NCAPG2: variants seen among roughly 807,000 people sequenced by gnomAD.
NCAPG2 encodes the protein condensin-2 complex subunit G2.
NCAPG2 carries 53 observed loss-of-function variants against 141.1 expected under a neutral mutation model. The ratio of observed to expected loss-of-function variants is 0.38; its 90% CI spans 0.30 to 0.47. The LOEUF (loss-of-function observed/expected upper bound fraction) is 0.47. Among genes scored for constraint, NCAPG2 ranks in the 20% least tolerant of loss-of-function variants. The pLI is 0.99. For synonymous variants in NCAPG2, 499 were observed against 490.7 expected, an observed-to-expected ratio of 1.02 and a Z score of -0.22; for missense variants, 1,087 against 1,389.0, an observed-to-expected ratio of 0.78 and a Z score of 3.46.
Position 158,675,468 on chromosome 7 carries a change from A to G in NCAPG2, c.1326+9T>C. The G allele has an allele frequency of 6.4e-7, 1 of 1,565,848 alleles. No individual in the cohort carries two copies. The highest frequency in any genetic ancestry group is 8.6e-7 in the Non-Finnish European group (1 of 1,162,984). ...ATAAACATTACTTACATAATTTAAA[A>G]AATCTTACCTTAAAGACAGAACAAC... is the stretch of plus-strand genomic sequence containing the variant. On this transcript the variant is annotated intron_variant, in intron 12 of 27. Transcript: ENST00000356309.
Position 158,633,476 on chromosome 7 carries a change from C to A in NCAPG2, c.3381-1759G>T, listed in dbSNP as rs1008831611. On this transcript the variant is annotated intron_variant, in intron 27 of 27. Transcript: ENST00000356309. The surrounding 1 kb of genome is among the most constrained non-coding windows in gnomAD (Gnocchi z 4.1). ...GCCTGTGTTGAACCAGGGGTGAGGG[C>A]ACAGCTATGTGGAGGCTGCCATGCA... Among the ~76,000 whole-genome samples the A allele has an allele frequency of 2.0e-5, 3 of 152,220 alleles. No individual in the cohort carries two copies. Among genetic ancestry groups the A allele is most frequent in the African/African-American group, 7.2e-5 (3 of 41,464 alleles).
Position 158,664,220 on chromosome 7 carries a change from C to T in NCAPG2, c.1779G>A (p.Glu593=), listed in dbSNP as rs775182768. 1 of 1,613,626 alleles carries T rather than the reference C, an allele frequency of 6.2e-7. No individual in the cohort carries two copies. Among genetic ancestry groups the T allele is most frequent in the Non-Finnish European group, 8.5e-7 (1 of 1,179,466 alleles). Residue 593 remains glutamate, a synonymous_variant, in exon 15 of 28, where the codon GAG becomes GAA. Coordinates refer to ENST00000356309, the MANE Select transcript of NCAPG2 (RefSeq NM_017760.7). ...QRAVREPPED[E]EEEDGREKEN... is the part of the protein sequence containing the mutation. ...CCTTCTCCCTTCCGTCCTCTTCCTC[C>T]TCGTCCTCTGGAGGCTCTCTCACTG...
chr7:158,662,496 TCTCCAC>T (rs1408722138), intron 15 of NCAPG2, 129 bp from the exon 16 acceptor site: 32 of 774,084 alleles, frequency 4.1e-5, no homozygotes, highest in Non-Finnish European at 5.7e-5. Context: ...CGTCTTCTAC[TCTCCAC>T]TTTAGAATCT....
rs908070992 is a variant in NCAPG2 at position 158,679,875 on chromosome 7, G to A, written c.1146+85C>T. 7 of 1,497,782 alleles carry A rather than the reference G, an allele frequency of 4.7e-6. No homozygotes were observed. In the African/African-American group the frequency reaches 5.6e-5, roughly 12 times the overall value. The allele number at this position is 1,497,782 out of a possible 1,614,324, so 92.8% of individuals were successfully genotyped here. A position where few individuals can be genotyped will look rare whatever the true frequency, so the allele number is the denominator to read the frequency against. ...GAGCAGAGCTCTGGCGGTTACAGGG[G>A]AGGTGGGGACACACACAAGCAGTAC... On this transcript the variant is annotated intron_variant, in intron 11 of 27. Transcript: ENST00000356309.
chr7:158,691,450 C>T (rs997987175), intron 4 of NCAPG2, among the ~76,000 whole-genome samples: 2 of 152,134 alleles, frequency 1.3e-5, no homozygotes, highest in African/African-American at 4.8e-5. Context: ...TAATAAGACA[C>T]TGTATTTCAA....
intron 13 of NCAPG2, chr7:158,668,271 CTCCTTACCTACCTT>C (rs1563542946): frequency 2.6e-5 from 20 of 754,722 alleles, no homozygotes; most frequent in East Asian, 4.9e-4. Flanking sequence ...TCCCTCTGCC[CTCCTTACCTACCTT>C]GTGTCCCTAG....
At chr7:158,675,279 T>C (rs1587231879) in intron 12 of NCAPG2, among the ~76,000 whole-genome samples, 198 bp downstream of exon 12, 1 of 152,360 alleles carries the variant, frequency 6.6e-6, no homozygotes, top group East Asian at 1.9e-4. Context: ...TAAAAACTAC[T>C]ATTAGTTCAA....
At chr7:158,675,345 G>A (rs1478092012) in intron 12 of NCAPG2, 132 bp downstream of exon 12, 30 of 991,856 alleles carry the variant, frequency 3.0e-5, no homozygotes, top group Non-Finnish European at 4.1e-5. Context: ...CCTTACTTTG[G>A]ATATATGACA....
intron 5 of NCAPG2, 22 bp from the exon 6 acceptor site, chr7:158,689,975 T>C (rs768017656): frequency 1.3e-6 from 2 of 1,483,502 alleles, no homozygotes; most frequent in East Asian, 5.0e-5. Flanking sequence ...ACAAAAAATG[T>C]GATACCTTTT....
At chr7:158,685,133 A>G (rs980758955) in intron 8 of NCAPG2, among the ~76,000 whole-genome samples, 2 of 152,228 alleles carry the variant, frequency 1.3e-5, no homozygotes, top group Non-Finnish European at 2.9e-5. Flanking sequence ...TAAGAAAAAT[A>G]TAAGGGAAAA....
At chr7:158,662,653 A>G (rs1236640270) in intron 15 of NCAPG2, among the ~76,000 whole-genome samples, 1 of 152,256 alleles carries the variant, frequency 6.6e-6, no homozygotes, top group East Asian at 1.9e-4. Flanking sequence ...ATCTGGGAAC[A>G]TAACACCCTA....
intron 24 of NCAPG2, among the ~76,000 whole-genome samples, chr7:158,648,123 G>T (rs1831166686): frequency 6.6e-6 from 1 of 152,106 alleles, no homozygotes; most frequent in Non-Finnish European, 1.5e-5. Flanking sequence ...AGTGATTGTT[G>T]TAAATGCATT....
chr7:158,692,942 T>G lies in NCAPG2; in HGVS notation c.282A>C (p.Glu94Asp). The G allele has an allele frequency of 6.4e-7, 1 of 1,551,480 alleles. No individual in the cohort carries two copies. The highest frequency in any genetic ancestry group is 8.8e-7 in the Non-Finnish European group (1 of 1,134,746). The change falls in exon 4 of 28, where the codon GAA becomes GAC. Residue 94 changes from glutamate (E) to aspartate (D), a missense_variant. Physicochemically the swap from Glu to Asp is conservative, Grantham distance 45. Coordinates refer to ENST00000356309, the MANE Select transcript of NCAPG2 (RefSeq NM_017760.7). Reference protein sequence around the residue: ...EHGSKMRKSIEIIYAITSVIL... With the variant: ...EHGSKMRKSIDIIYAITSVIL... ...TCACAGATGTAATTGCATAAATTAT[T>G]TCTATGCTTTTTCTCTATAAATGAA...
rs1340046693 is a variant in NCAPG2 at position 158,662,182 on chromosome 7, T to C, written c.1989+12A>G. 4 of 1,597,710 alleles carry C rather than the reference T, an allele frequency of 2.5e-6. No homozygotes were observed. The highest frequency in any genetic ancestry group is 1.8e-5 in the Admixed American group (1 of 56,632). On this transcript the variant is annotated intron_variant, in intron 16 of 27. Transcript: ENST00000356309. ...TAATATACCTTGCTTACAAGTATAG[T>C]TCAAGACTTACCTTAAATACTTTCA...
Position 158,671,597 on chromosome 7 carries a change from A to G in NCAPG2, c.1396T>C (p.Tyr466His). 5.6e-6 allele frequency: 9 copies of G among 1,614,224 alleles called. No homozygotes were observed. The highest frequency in any genetic ancestry group is 7.6e-6 in the Non-Finnish European group (9 of 1,180,026). ...LLEQLLPALRYSLHDNSEKVR... is the reference protein window; with the variant it reads ...LLEQLLPALRHSLHDNSEKVR... ...TTCTCCGAATTGTCGTGGAGACTGT[A>G]TCTGAGAGCTGGAAGGAGCTGCTCT... Residue 466 changes from tyrosine to histidine, a missense_variant, in exon 13 of 28, where the codon TAC becomes CAC. Tyr to His is a moderately conservative substitution (Grantham distance 83). Coordinates refer to ENST00000356309, the MANE Select transcript of NCAPG2 (RefSeq NM_017760.7).
chr7:158,649,761 C>T (rs1831340824), intron 24 of NCAPG2, among the ~76,000 whole-genome samples: 1 of 152,104 alleles, frequency 6.6e-6, no homozygotes, highest in Non-Finnish European at 1.5e-5. Flanking sequence ...ATTCAATGAC[C>T]TTCCCTGTCA....
chr7:158,668,677 A>T (rs996696305), intron 13 of NCAPG2, among the ~76,000 whole-genome samples: 2 of 152,342 alleles, frequency 1.3e-5, no homozygotes, highest in Non-Finnish European at 2.9e-5. Context: ...AATTCAAAAT[A>T]AAAAATTAAA....
At chr7:158,634,137 A>T (rs1232999192) in intron 27 of NCAPG2, among the ~76,000 whole-genome samples, 2 of 152,162 alleles carry the variant, frequency 1.3e-5, no homozygotes, top group African/African-American at 4.8e-5. Flanking sequence ...TTAAAAGTAC[A>T]GTTAACCCTC....
At chr7:158,661,006 T>C (rs1452601027) in intron 16 of NCAPG2, among the ~76,000 whole-genome samples, 3 of 152,340 alleles carry the variant, frequency 2.0e-5, no homozygotes, top group East Asian at 1.9e-4. Flanking sequence ...TCCCCAGCCA[T>C]ATGGAACTGT....
Sources: gnomAD v4.1 joint callset for allele counts (sites outside exome capture counted in the v4.1 genomes callset) on GRCh38, gnomAD v4.1.1 for gene constraint, Gnocchi (gnomAD v3.1) non-coding constraint, MANE v1.5 for transcripts, NCBI Gene and HGNC (gene_info 2026-07-23, HGNC 2026-07-21) for gene names.